FRMPD4: variants seen among roughly 807,000 people sequenced by gnomAD.
FRMPD4 encodes the protein FERM and PDZ domain-containing protein 4.
In FRMPD4, 22 loss-of-function variants were observed where a neutral mutation model predicts 94.1. That is an observed-to-expected ratio of 0.23 (90% CI 0.17 to 0.33). FRMPD4 has a LOEUF of 0.33. Ranked by LOEUF, FRMPD4 falls within the 10% of genes least tolerant of loss-of-function variation. The pLI, the probability that FRMPD4 is intolerant of heterozygous loss-of-function variation, is 1.00. For synonymous variants in FRMPD4, 631 were observed against 548.6 expected, an observed-to-expected ratio of 1.15 and a Z score of -2.10; for missense variants, 1,111 against 1,339.9, an observed-to-expected ratio of 0.83 and a Z score of 2.67.
intron 2 of FRMPD4, among the ~76,000 whole-genome samples, chrX:12,531,345 G>A (rs747063902): frequency 9.0e-6 from 1 of 111,654 alleles, no homozygotes; most frequent in South Asian, 3.8e-4. Flanking sequence ...TCCCAGAAAC[G>A]CAAATCAAGA....
rs35199206 is a variant in FRMPD4 at position 12,677,477 on chromosome X, TAAAA to T, written c.468+2584_468+2587del. Among the ~76,000 whole-genome samples the T allele has an allele frequency of 1.3e-3, 133 of 98,668 alleles. 1 individual carries two copies. Among genetic ancestry groups the T allele is most frequent in the South Asian group, 1.5e-3 (3 of 2,063 alleles). The allele number at this position is 98,668 out of a possible 115,157, so 85.7% of individuals were successfully genotyped here. A position where few individuals can be genotyped will look rare whatever the true frequency, so the allele number is the denominator to read the frequency against. ...TTTACTACAAGCAAGTTGCTTTTTG[TAAAA>T]AAAAAAAAAAAAAATACTTATTGAG... On this transcript the variant is annotated intron_variant, in intron 5 of 16. Transcript: ENST00000675598.
At chrX:12,004,871 C>T (rs2054543255) in intron 3 of FRMPD4, among the ~76,000 whole-genome samples, 1 of 110,877 alleles carries the variant, frequency 9.0e-6, no homozygotes, top group Admixed American at 9.6e-5. Context: ...TGCTTAACTT[C>T]TTCCTTGCAT....
chrX:12,540,185 C>T (rs755420369), intron 2 of FRMPD4, among the ~76,000 whole-genome samples: 199 of 111,882 alleles, frequency 1.8e-3, no homozygotes, highest in Non-Finnish European at 3.1e-3. Flanking sequence ...CATCAACTAA[C>T]GAGCAAAATA....
intron 1 of FRMPD4, among the ~76,000 whole-genome samples, chrX:12,310,946 TTTATC>T (rs2055021884): frequency 8.9e-6 from 1 of 112,820 alleles, no homozygotes; most frequent in Admixed American, 9.4e-5. Context: ...TTAATCTGAC[TTTATC>T]TTATAACTTC....
intron 2 of FRMPD4, among the ~76,000 whole-genome samples, chrX:12,591,893 T>C (rs750322531): frequency 1.5e-4 from 17 of 111,456 alleles, no homozygotes; most frequent in African/African-American, 2.0e-4. Flanking sequence ...CTAAAGAAGA[T>C]TGGAAGGACC....
intron 3 of FRMPD4, among the ~76,000 whole-genome samples, chrX:12,129,975 A>G (rs1212349700): frequency 9.0e-6 from 1 of 111,460 alleles, no homozygotes; most frequent in East Asian, 2.8e-4. Context: ...TAGGTCTTTA[A>G]GCAATAATTT....
At chrX:12,568,872 C>T (rs763428427) in intron 2 of FRMPD4, among the ~76,000 whole-genome samples, 24 of 111,965 alleles carry the variant, frequency 2.1e-4, no homozygotes, top group African/African-American at 7.4e-4. Context: ...TATAAAATCA[C>T]ATCAGCTATG....
chrX:12,693,620 C>G (rs2060098950), intron 8 of FRMPD4, among the ~76,000 whole-genome samples: 1 of 111,973 alleles, frequency 8.9e-6, no homozygotes, highest in African/African-American at 3.3e-5. Context: ...TTCCTACTTT[C>G]CAATGTGATG....
At chrX:12,178,662 G>A (rs2056322709) in intron 1 of FRMPD4, among the ~76,000 whole-genome samples, 1 of 111,910 alleles carries the variant, frequency 8.9e-6, no homozygotes, top group Non-Finnish European at 1.9e-5. Context: ...AGTTGTGGAT[G>A]CAAGGTATAA....
At chrX:12,286,408 T>A (rs1371172744) in intron 1 of FRMPD4, among the ~76,000 whole-genome samples, 1 of 111,899 alleles carries the variant, frequency 8.9e-6, no homozygotes, top group Non-Finnish European at 1.9e-5. Context: ...TGAATGGTTT[T>A]GGCCAGTGTA....
intron 3 of FRMPD4, among the ~76,000 whole-genome samples, chrX:11,889,251 C>T (rs1569119063): frequency 8.9e-6 from 1 of 112,192 alleles, no homozygotes; most frequent in Non-Finnish European, 1.9e-5. Context: ...ATAGGTGCTC[C>T]TCAACTTAGA....
At chrX:12,084,847 A>G (rs2055094268) in intron 3 of FRMPD4, among the ~76,000 whole-genome samples, 1 of 112,402 alleles carries the variant, frequency 8.9e-6, no homozygotes, top group African/African-American at 3.2e-5. Context: ...GAGAATATGC[A>G]CATTGACGAC....
upstream of FRMPD4, among the ~76,000 whole-genome samples, chrX:12,138,102 G>A (rs1373352173): frequency 3.6e-5 from 4 of 112,226 alleles, no homozygotes; most frequent in Non-Finnish European, 7.5e-5. Flanking sequence ...CAGTGGTCAC[G>A]TCTCGCCCCA....
rs73434875 is a variant in FRMPD4 at position 12,407,631 on chromosome X, G to A, written c.42-91049G>A. ...GTTGTCACTCATGGAGCTGTTACAA[G>A]AATTAAACAGGGCAATTCATAGGTC... On this transcript the variant is annotated intron_variant, in intron 1 of 16. Coordinates refer to ENST00000675598, the MANE Select transcript of FRMPD4 (RefSeq NM_001368397.1). Among the ~76,000 whole-genome samples, 954 of 112,254 alleles carry A rather than the reference G, an allele frequency of 8.5e-3. 9 individuals carry two copies. The highest frequency in any genetic ancestry group is 0.024 in the African/African-American group (735 of 30,906).
At chrX:12,435,605 C>A (rs904509217) in intron 1 of FRMPD4, among the ~76,000 whole-genome samples, 2 of 111,151 alleles carry the variant, frequency 1.8e-5, no homozygotes, top group African/African-American at 6.5e-5. Flanking sequence ...TAAATGCTTT[C>A]TTTGCTGTGA....
intron 1 of FRMPD4, among the ~76,000 whole-genome samples, chrX:12,139,612 C>A (rs980775143): frequency 3.6e-5 from 4 of 110,091 alleles, no homozygotes; most frequent in Admixed American, 1.9e-4. Context: ...TCTAAGTGGC[C>A]ATGTTGTTAA....
chrX:12,294,334 A>G (rs183923900), intron 1 of FRMPD4, among the ~76,000 whole-genome samples: 1 of 111,663 alleles, frequency 9.0e-6, no homozygotes, highest in African/African-American at 3.3e-5. Context: ...AGGGACATAG[A>G]TATTGAGCCC....
At chrX:11,860,051 A>C (rs947454916) in intron 1 of FRMPD4, among the ~76,000 whole-genome samples, 2 of 112,370 alleles carry the variant, frequency 1.8e-5, no homozygotes, top group African/African-American at 6.5e-5. Flanking sequence ...AGAATTATTC[A>C]CTTAAATGAG....
chrX:12,313,791 G>T (rs1331655574), intron 1 of FRMPD4, among the ~76,000 whole-genome samples: 1 of 110,916 alleles, frequency 9.0e-6, no homozygotes, highest in Non-Finnish European at 1.9e-5. Context: ...TATGAATCTG[G>T]TACCTGACTT....
Sources: gnomAD v4.1 joint callset for allele counts (sites outside exome capture counted in the v4.1 genomes callset) on GRCh38, gnomAD v4.1.1 for gene constraint, MANE v1.5 for transcripts, NCBI Gene and HGNC (gene_info 2026-07-23, HGNC 2026-07-21) for gene names.